The following KAZN variants were observed in gnomAD, a reference collection of about 807,000 sequenced individuals.
The protein encoded by KAZN is kazrin, periplakin interacting protein.
KAZN carries 40 observed loss-of-function variants against 87.4 expected under a neutral mutation model. The observed-to-expected ratio is 0.46, with a 90% confidence interval of 0.36 to 0.60. The LOEUF (loss-of-function observed/expected upper bound fraction) is 0.60, where lower values mean the gene tolerates loss of function less well. Among genes scored for constraint, KAZN ranks in the 20% least tolerant of loss-of-function variants. KAZN has a pLI of 0.00. For missense variants in KAZN, 898 were observed against 1,073.9 expected, an observed-to-expected ratio of 0.84 and a Z score of 2.29; for synonymous variants, 466 against 458.3, an observed-to-expected ratio of 1.02 and a Z score of -0.22.
In KAZN at chr1:15,104,019, C is replaced by A. The variant is rs1283648559; in HGVS notation, c.1882-4C>A. On this transcript the variant is annotated splice_region_variant and splice_polypyrimidine_tract_variant and intron_variant, in intron 12 of 14. Transcript: ENST00000376030. ...GCTAACAAGTCCCCTGCCTTTGCCCCCAGGAGTACGCAGACAACCTGACCA... is the reference window on the plus strand; with the variant it reads ...GCTAACAAGTCCCCTGCCTTTGCCCACAGGAGTACGCAGACAACCTGACCA... 6.2e-7 allele frequency: 1 copy of A among 1,613,012 alleles called. No homozygotes were observed. The highest frequency in any genetic ancestry group is 1.1e-5 in the South Asian group (1 of 90,832).
In KAZN at chr1:13,911,274, C is replaced by T. The variant is rs561082324; in HGVS notation, c.91+17518C>T. On this transcript the variant is annotated intron_variant, in intron 1 of 16. Transcript: ENST00000636203. ...ATGTTGGCCAGGCTGGTCTCGATTT[C>T]CTGACCTCAGGTAATTCACCTGCCT... 1.4e-4 allele frequency among the ~76,000 whole-genome samples: 21 copies of T among 152,306 alleles called. No individual in the cohort carries two copies. In the South Asian group the frequency reaches 4.4e-3, roughly 32 times the overall value.
At chr1:14,733,504 G>A (rs1643775410) in intron 1 of KAZN, among the ~76,000 whole-genome samples, 2 of 152,282 alleles carry the variant, frequency 1.3e-5, no homozygotes, top group African/African-American at 4.8e-5. Context: ...GCCGTAGGGT[G>A]GGACCTCCTG....
intron 2 of KAZN, among the ~76,000 whole-genome samples, chr1:14,433,179 G>A (rs142635011): frequency 2.0e-4 from 31 of 152,096 alleles, no homozygotes; most frequent in African/African-American, 4.8e-4. Flanking sequence ...CACCTGTGAC[G>A]CCACTCCTGC....
intron 2 of KAZN, among the ~76,000 whole-genome samples, chr1:14,219,853 A>G (rs1296441882): frequency 6.6e-6 from 1 of 152,226 alleles, no homozygotes; most frequent in Admixed American, 6.5e-5. Context: ...CACTGCCTCA[A>G]TAACTACTCA....
At chr1:14,127,515 AGGGTATTTCCCACTT>A (rs1162575705) in intron 1 of KAZN, among the ~76,000 whole-genome samples, 2 of 151,884 alleles carry the variant, frequency 1.3e-5, no homozygotes, top group African/African-American at 4.8e-5. Context: ...TAATGGGGAC[AGGGTATTTCCCACTT>A]GGGAAATTAG....
At chr1:15,048,082 A>G (rs935128994) in intron 4 of KAZN, among the ~76,000 whole-genome samples, 16 of 152,194 alleles carry the variant, frequency 1.1e-4, no homozygotes, top group Non-Finnish European at 2.1e-4. Context: ...TATTGGGGAA[A>G]GAGCCCAGGC....
intron 1 of KAZN, among the ~76,000 whole-genome samples, chr1:14,861,872 G>A (rs1650893324): frequency 6.6e-6 from 1 of 152,230 alleles, no homozygotes; most frequent in Admixed American, 6.5e-5. Context: ...GAGCCGATCT[G>A]AGCAGGGAAC....
At chr1:14,110,561 T>C (rs1252122178) in intron 1 of KAZN, among the ~76,000 whole-genome samples, 1 of 152,202 alleles carries the variant, frequency 6.6e-6, no homozygotes, top group Non-Finnish European at 1.5e-5. Context: ...TGCATATCTA[T>C]CTATTTCTCT....
chr1:14,990,148 A>G (rs1228085441), intron 2 of KAZN, among the ~76,000 whole-genome samples: 1 of 152,206 alleles, frequency 6.6e-6, no homozygotes, highest in Non-Finnish European at 1.5e-5. Context: ...TCCAAAGTCC[A>G]AAGGGAAGGG....
chr1:14,867,148 C>T (rs12563467), intron 1 of KAZN, among the ~76,000 whole-genome samples: 38,562 of 152,174 alleles, frequency 0.25, 5,801 homozygotes, highest in Non-Finnish European at 0.33. Context: ...AGCCAGGGCC[C>T]TCCCTGTGCA....
intron 13 of KAZN, among the ~76,000 whole-genome samples, chr1:15,108,138 G>C (rs1641360111): frequency 2.0e-5 from 3 of 152,212 alleles, no homozygotes; most frequent in Non-Finnish European, 1.5e-5. Context: ...CATAGAATGA[G>C]AGAACCTTGT....
chr1:14,934,054 A>G (rs557902407), intron 1 of KAZN, among the ~76,000 whole-genome samples: 20 of 151,410 alleles, frequency 1.3e-4, no homozygotes, highest in Admixed American at 7.9e-4. Flanking sequence ...ACGGGGTTTC[A>G]CCGTGTTATC....
intron 2 of KAZN, among the ~76,000 whole-genome samples, chr1:15,034,537 G>A (rs1221130479): frequency 1.3e-5 from 2 of 152,224 alleles, no homozygotes; most frequent in Non-Finnish European, 2.9e-5. Flanking sequence ...AGCTGAGAGG[G>A]GAGAATCGGG....
At position 14,967,575 on chromosome 1, in the gene KAZN, C is replaced by T. The variant is rs553335710; in HGVS notation, c.418+6700C>T. 6.9e-4 allele frequency among the ~76,000 whole-genome samples: 105 copies of T among 152,280 alleles called. 1 individual carries two copies. The highest frequency in any genetic ancestry group is 1.2e-3 in the East Asian group (6 of 5,178). ...ATCGGATATCCCTGGGATGAGTCTCCGGTGGGCCCAGTGGATCACAAGGGC... is the reference window on the plus strand; with the variant it reads ...ATCGGATATCCCTGGGATGAGTCTCTGGTGGGCCCAGTGGATCACAAGGGC... On this transcript the variant is annotated intron_variant, in intron 2 of 14. Transcript: ENST00000376030.
At chr1:14,446,042 T>A (rs949616930) in intron 2 of KAZN, among the ~76,000 whole-genome samples, 2 of 142,066 alleles carry the variant, frequency 1.4e-5, no homozygotes, top group African/African-American at 5.1e-5. Context: ...AAAAAAAAAA[T>A]TAAGTTAGCC....
rs1553150620 is a variant in KAZN at position 14,883,355 on chromosome 1, A to AAAAAG, written c.227-77326_227-77325insAGAAA. 3.9e-4 allele frequency among the ~76,000 whole-genome samples: 8 copies of AAAAAG among 20,600 alleles called. 4 individuals are homozygous for AAAAAG. Among genetic ancestry groups the AAAAAG allele is most frequent in the African/African-American group, 6.1e-4 (4 of 6,522 alleles). The allele number at this position is 20,600 out of a possible 152,430, so 13.5% of individuals were successfully genotyped here. A position where few individuals can be genotyped will look rare whatever the true frequency, so the allele number is the denominator to read the frequency against. Reference sequence around the variant, plus strand: ...GAGAGAGAGAGAGAAAGAAAGAAAGAAAAGAAAGAAAGAAAGAAAGAAAGA... The same window carrying AAAAAG: ...GAGAGAGAGAGAGAAAGAAAGAAAGAAAAAGAAAGAAAGAAAGAAAGAAAGAAAGA... On this transcript the variant is annotated intron_variant, in intron 1 of 14. Transcript: ENST00000376030.
chr1:14,579,441 C>T (rs941859059), intron 2 of KAZN, among the ~76,000 whole-genome samples: 2 of 151,924 alleles, frequency 1.3e-5, no homozygotes, highest in Admixed American at 6.5e-5. Flanking sequence ...CTGGCTAACA[C>T]GGTGAAACCC....
At chr1:14,655,981 T>C (rs371001760) in intron 1 of KAZN, among the ~76,000 whole-genome samples, 4 of 152,016 alleles carry the variant, frequency 2.6e-5, no homozygotes, top group African/African-American at 9.7e-5. Flanking sequence ...TTATACAGCG[T>C]TTTCACTTGG....
chr1:14,734,479 T>A (rs898061826), intron 1 of KAZN, among the ~76,000 whole-genome samples: 4 of 152,086 alleles, frequency 2.6e-5, no homozygotes, highest in South Asian at 2.1e-4. Flanking sequence ...AATTTTTTTT[T>A]AATTATTATT....
Sources: allele counts gnomAD v4.1 joint callset (sites outside exome capture counted in the v4.1 genomes callset), GRCh38; gene constraint gnomAD v4.1.1; transcripts MANE v1.5; gene names NCBI Gene and HGNC (gene_info 2026-07-23, HGNC 2026-07-21).